The following CSMD1 variants were observed in gnomAD, a reference collection of about 807,000 sequenced individuals.
CSMD1 encodes CUB and Sushi multiple domains 1.
In CSMD1, 213 loss-of-function variants were observed where a neutral mutation model predicts 417.5. The ratio of observed to expected loss-of-function variants is 0.51; its 90% confidence interval spans 0.46 to 0.57. The LOEUF is 0.57. Ranked by LOEUF, CSMD1 falls within the 20% of genes least tolerant of loss-of-function variation. The pLI is 0.00. For missense variants in CSMD1, 6,923 were observed against 4,529.7 expected (o/e 1.53, Z -15.17); for synonymous variants, 2,862 against 1,736.8 (o/e 1.65, Z -16.11).
At chr8:4,598,200 T>C (rs1477153741) in intron 2 of CSMD1, among the ~76,000 whole-genome samples, 1 of 152,296 alleles carries the variant, frequency 6.6e-6, no homozygotes, top group African/African-American at 2.4e-5. Context: ...ATCATAGTTG[T>C]AGGGATGAAT....
chr8:3,596,450 G>C (rs986526277), intron 8 of CSMD1, among the ~76,000 whole-genome samples: 5 of 152,156 alleles, frequency 3.3e-5, no homozygotes, highest in Non-Finnish European at 5.9e-5. Flanking sequence ...AGATGAGAAC[G>C]AGAGACTCAG....
intron 18 of CSMD1, among the ~76,000 whole-genome samples, chr8:3,382,052 G>A (rs1810663261): frequency 6.6e-6 from 1 of 152,124 alleles, no homozygotes; most frequent in Admixed American, 6.5e-5. Context: ...GAGGTCAGGA[G>A]TTCGAGACCA....
intron 5 of CSMD1, among the ~76,000 whole-genome samples, chr8:3,967,605 C>A (rs1034593452): frequency 6.6e-6 from 1 of 152,028 alleles, no homozygotes; most frequent in Non-Finnish European, 1.5e-5. Context: ...CGGTTCACAA[C>A]TGATTTATTT....
rs1387376025 is a variant in CSMD1 at position 2,936,032 on chromosome 8, G to A, written c.*2553C>T. 3 of 152,138 alleles carry A rather than the reference G, an allele frequency of 2.0e-5. No homozygotes were observed. The highest frequency in any genetic ancestry group is 4.4e-5 in the Non-Finnish European group (3 of 68,026). 9.4% of individuals were successfully genotyped at this position (152,138 alleles called of 1,614,324 possible). On this transcript the variant is annotated 3_prime_UTR_variant, in exon 70 of 70. Transcript: ENST00000635120. ...ACAGCTCCTGACTGCCCTAAAATGA[G>A]ATCCTCCAACACCTTGCGGAGACGC...
At chr8:3,632,423 T>C (rs561688427) in intron 7 of CSMD1, among the ~76,000 whole-genome samples, 2 of 152,214 alleles carry the variant, frequency 1.3e-5, no homozygotes, top group Non-Finnish European at 2.9e-5. Flanking sequence ...GTCCATGTTA[T>C]AGGAGATTAT....
intron 1 of CSMD1, among the ~76,000 whole-genome samples, chr8:4,729,798 G>GAAATA (rs1397947632): frequency 6.6e-6 from 1 of 152,138 alleles, no homozygotes; most frequent in African/African-American, 2.4e-5. Flanking sequence ...AATCAATAAT[G>GAAATA]AAATAAAAGT....
intron 5 of CSMD1, among the ~76,000 whole-genome samples, chr8:3,851,007 T>C (rs1005984322): frequency 6.6e-6 from 1 of 152,228 alleles, no homozygotes; most frequent in Non-Finnish European, 1.5e-5. Flanking sequence ...GATAAATATC[T>C]ATGTGTTTTT....
At chr8:3,845,260 G>A (rs954443906) in intron 5 of CSMD1, among the ~76,000 whole-genome samples, 5 of 152,152 alleles carry the variant, frequency 3.3e-5, no homozygotes, top group Admixed American at 6.5e-5. Flanking sequence ...TTGCTGATTT[G>A]TCCTTGTGCA....
At chr8:4,442,119 C>T (rs1040556019) in intron 2 of CSMD1, among the ~76,000 whole-genome samples, 3 of 152,164 alleles carry the variant, frequency 2.0e-5, no homozygotes, top group Non-Finnish European at 4.4e-5. Context: ...TCTCCTCCCA[C>T]TCTTATCTCC....
chr8:3,473,790 T>A (rs1475847854), intron 11 of CSMD1, among the ~76,000 whole-genome samples: 3 of 152,144 alleles, frequency 2.0e-5, no homozygotes, highest in Non-Finnish European at 4.4e-5. Flanking sequence ...GAAGATATTA[T>A]CCAAGACCTA....
chr8:4,244,882 C>T (rs1195132471), intron 3 of CSMD1, among the ~76,000 whole-genome samples: 2 of 152,116 alleles, frequency 1.3e-5, no homozygotes, highest in South Asian at 4.1e-4. Context: ...TATTAAACTC[C>T]TGATAGATAT....
chr8:3,049,554 A>C (rs1347927677), intron 50 of CSMD1, among the ~76,000 whole-genome samples: 1 of 152,124 alleles, frequency 6.6e-6, no homozygotes, highest in East Asian at 1.9e-4. Context: ...TGAAAGATCA[A>C]GGTCAGTGTT....
At chr8:4,453,994 TG>T (rs1799319466) in intron 2 of CSMD1, among the ~76,000 whole-genome samples, 1 of 151,662 alleles carries the variant, frequency 6.6e-6, no homozygotes, top group African/African-American at 2.4e-5. Flanking sequence ...GCTAATTTTT[TG>T]TATTTTTTAG....
At chr8:4,423,647 G>A (rs1374816793) in intron 2 of CSMD1, among the ~76,000 whole-genome samples, 1 of 151,922 alleles carries the variant, frequency 6.6e-6, no homozygotes, top group Non-Finnish European at 1.5e-5. Flanking sequence ...TGATACACAG[G>A]TTTTACACAA....
chr8:3,366,933 G>A (rs969248148), intron 20 of CSMD1, 99 bp downstream of exon 20: 37 of 927,674 alleles, frequency 4.0e-5, no homozygotes, highest in Middle Eastern at 2.7e-4. Context: ...ACACACGGAT[G>A]CACACATTAC....
In CSMD1 at chr8:3,332,537, G is replaced by C. The variant is rs542901197; in HGVS notation, c.3631+10757C>G. 2.0e-5 allele frequency among the ~76,000 whole-genome samples: 3 copies of C among 152,318 alleles called. No individual in the cohort carries two copies. In the South Asian group the frequency reaches 6.2e-4, roughly 32 times the overall value. On this transcript the variant is annotated intron_variant, in intron 23 of 69. Coordinates refer to ENST00000635120, the MANE Select transcript of CSMD1 (RefSeq NM_033225.6). ...ATTCAGAATGTCACCGCTGAAACCT[G>C]TTTTATTTGCAGACAACAGATTAAC... is the stretch of plus-strand genomic sequence containing the variant.
At chr8:3,586,077 A>G (rs943614040) in intron 9 of CSMD1, 59 bp downstream of exon 9, 2 of 1,556,342 alleles carry the variant, frequency 1.3e-6, no homozygotes, top group Non-Finnish European at 1.7e-6. Flanking sequence ...GTATATTCAT[A>G]AAAATGCCAA....
chr8:4,213,342 C>T (rs1800439083), intron 3 of CSMD1, among the ~76,000 whole-genome samples: 1 of 152,136 alleles, frequency 6.6e-6, no homozygotes, highest in African/African-American at 2.4e-5. Flanking sequence ...CAGAGAGTTT[C>T]TCAAGGGCCG....
At chr8:4,806,482 T>C (rs936027460) in intron 1 of CSMD1, among the ~76,000 whole-genome samples, 1 of 150,652 alleles carries the variant, frequency 6.6e-6, no homozygotes, top group African/African-American at 2.4e-5. Flanking sequence ...GTGGGCCATC[T>C]ATTTAGTTTA....
Sources: allele counts gnomAD v4.1 joint callset (sites outside exome capture counted in the v4.1 genomes callset), GRCh38; gene constraint gnomAD v4.1.1; transcripts MANE v1.5; gene names NCBI Gene and HGNC (gene_info 2026-07-23, HGNC 2026-07-21).